The following KIAA1217 variants were observed in gnomAD, a reference collection of about 807,000 sequenced individuals.
KIAA1217 encodes KIAA1217, also known as sickle tail protein homolog.
In KIAA1217, 88 loss-of-function variants were observed where a neutral mutation model predicts 163.9. The observed-to-expected ratio is 0.54, with a 90% CI of 0.45 to 0.64. KIAA1217 has a LOEUF of 0.64. Ranked by LOEUF, KIAA1217 falls within the 30% of genes least tolerant of loss-of-function variation. The pLI, the probability that KIAA1217 is intolerant of heterozygous loss-of-function variation, is 0.00. For missense variants in KIAA1217, 2,372 were observed against 2,475.0 expected (o/e 0.96, Z 0.88); for synonymous variants, 903 against 923.1 (o/e 0.98, Z 0.39).
chr10:24,001,668 T>C (rs542399987), intron 1 of KIAA1217, among the ~76,000 whole-genome samples: 3 of 152,168 alleles, frequency 2.0e-5, no homozygotes, highest in Non-Finnish European at 4.4e-5. Flanking sequence ...GTGATTTGAA[T>C]AGGAAGATTC....
chr10:24,269,508 A>G (rs1244165513), intron 2 of KIAA1217, among the ~76,000 whole-genome samples: 2 of 152,182 alleles, frequency 1.3e-5, no homozygotes, highest in African/African-American at 4.8e-5. Context: ...TGGGCAACAG[A>G]GTGATTCCCT....
intron 1 of KIAA1217, among the ~76,000 whole-genome samples, chr10:23,777,101 T>C (rs1305474255): frequency 3.9e-5 from 6 of 152,192 alleles, no homozygotes; most frequent in African/African-American, 1.4e-4. Flanking sequence ...TAGAATGTAG[T>C]TTTAAGAGAT....
chr10:24,513,516 T>C, intron 10 of KIAA1217, 82 bp downstream of exon 10: 1 of 1,383,738 alleles, frequency 7.2e-7, no homozygotes, highest in Non-Finnish European at 1.0e-6. Context: ...CCTTCCCAGT[T>C]GGTGGTCTTG....
At chr10:24,370,714 C>T (rs2051514196) in intron 2 of KIAA1217, among the ~76,000 whole-genome samples, 1 of 152,104 alleles carries the variant, frequency 6.6e-6, no homozygotes, top group Admixed American at 6.6e-5. Context: ...TCACGAGTAG[C>T]TGGGACTACA....
chr10:24,362,755 C>G lies in KIAA1217; in HGVS notation c.355-18114C>G, dbSNP rs921305249. ...GTGGCTCACGCCTATAATCCCAGCACTTTGAGAGGCCAGGGTAGGCAGATC... is the reference window on the plus strand; with the variant it reads ...GTGGCTCACGCCTATAATCCCAGCAGTTTGAGAGGCCAGGGTAGGCAGATC... On this transcript the variant is annotated intron_variant, in intron 2 of 20. Transcript: ENST00000376454. Among the ~76,000 whole-genome samples, 9 of 152,286 alleles carry G rather than the reference C, an allele frequency of 5.9e-5. No individual in the cohort carries two copies. The East Asian group carries it at 1.2e-3, about 20-fold the overall frequency.
chr10:23,965,684 G>T (rs1264886406), intron 1 of KIAA1217, among the ~76,000 whole-genome samples: 1 of 152,178 alleles, frequency 6.6e-6, no homozygotes, highest in Admixed American at 6.5e-5. Flanking sequence ...AGCAGTAAAT[G>T]GATTTTTAAA....
chr10:24,160,962 T>C (rs1439118360), intron 2 of KIAA1217, among the ~76,000 whole-genome samples: 3 of 152,204 alleles, frequency 2.0e-5, no homozygotes, highest in Non-Finnish European at 4.4e-5. Context: ...CTATAAATTC[T>C]TATTTGAAAA....
At chr10:23,869,591 C>A (rs1176528830) in intron 1 of KIAA1217, among the ~76,000 whole-genome samples, 1 of 152,050 alleles carries the variant, frequency 6.6e-6, no homozygotes, top group African/African-American at 2.4e-5. Context: ...GAAATAAAGT[C>A]CTGACGTTTG....
chr10:23,863,339 C>T (rs373581042), intron 1 of KIAA1217, among the ~76,000 whole-genome samples: 83 of 152,272 alleles, frequency 5.5e-4, no homozygotes, highest in African/African-American at 1.9e-3. Flanking sequence ...GTGTCTCCTC[C>T]AAAATTCAGT....
rs551808268 is a variant in KIAA1217, at chr10:24,089,294, G to A, written c.-171+81920G>A. On this transcript the variant is annotated intron_variant, in intron 2 of 18. Coordinates refer to the KIAA1217 transcript ENST00000376462. ...TCTTTTGCTGTGCAGAAGCTCTTTA[G>A]TTTAATTAGATCCCATTTGTCAATT... 2.4e-5 allele frequency among the ~76,000 whole-genome samples: 3 copies of A among 125,244 alleles called. 1 individual carries two copies. Among genetic ancestry groups the A allele is most frequent in the South Asian group, 5.3e-4 (2 of 3,796 alleles). The allele number at this position is 125,244 out of a possible 152,430, so 82.2% of individuals were successfully genotyped here.
chr10:24,230,722 G>T (rs549705212), intron 2 of KIAA1217, among the ~76,000 whole-genome samples: 1 of 152,090 alleles, frequency 6.6e-6, no homozygotes, highest in East Asian at 1.9e-4. Flanking sequence ...GTTGAAATGT[G>T]GTTTCACCAT....
chr10:23,916,752 T>C (rs1842645247), intron 1 of KIAA1217, among the ~76,000 whole-genome samples: 1 of 152,012 alleles, frequency 6.6e-6, no homozygotes, highest in Non-Finnish European at 1.5e-5. Flanking sequence ...GGCGGGCAGA[T>C]CACGAGGTCA....
At chr10:24,141,225 A>T (rs866883414) in intron 2 of KIAA1217, among the ~76,000 whole-genome samples, 2 of 76,258 alleles carry the variant, frequency 2.6e-5, no homozygotes, top group African/African-American at 4.5e-5. Context: ...GAAAGAATAA[A>T]CCCCCCCCCC....
At chr10:24,335,542 A>G (rs2046236981) in intron 2 of KIAA1217, among the ~76,000 whole-genome samples, 1 of 151,656 alleles carries the variant, frequency 6.6e-6, no homozygotes, top group Non-Finnish European at 1.5e-5. Context: ...ATATGCTAAA[A>G]ACCACTAGAT....
rs952333209 is a variant in KIAA1217, at chr10:24,093,746, C to A, written c.-171+86372C>A. ...ACATGTGCCATGCTGGTGTGCTGCA[C>A]CCATTAACTCGTCATTTAGCATTAG... On this transcript the variant is annotated intron_variant, in intron 2 of 18. Transcript: ENST00000376462. 2.0e-4 allele frequency among the ~76,000 whole-genome samples: 30 copies of A among 150,190 alleles called. 1 individual carries two copies. The highest frequency in any genetic ancestry group is 6.7e-4 in the African/African-American group (27 of 40,352).
intron 1 of KIAA1217, among the ~76,000 whole-genome samples, chr10:23,767,193 C>G (rs1054193206): frequency 2.0e-5 from 3 of 152,146 alleles, no homozygotes; most frequent in African/African-American, 7.2e-5. Context: ...TAAAGTGCAT[C>G]CTGAGAATTA....
chr10:23,701,706 T>C (rs1000847267), intron 1 of KIAA1217, among the ~76,000 whole-genome samples: 2 of 152,254 alleles, frequency 1.3e-5, no homozygotes, highest in Non-Finnish European at 2.9e-5. Context: ...TCTTACTTGC[T>C]TAATAATAGC....
At chr10:23,963,884 TC>T (rs1253590031) in intron 1 of KIAA1217, among the ~76,000 whole-genome samples, 2 of 149,566 alleles carry the variant, frequency 1.3e-5, no homozygotes, top group Non-Finnish European at 2.9e-5. Flanking sequence ...GAGCTTTTTT[TC>T]TTTTCTCTTT....
chr10:24,117,744 C>A (rs2063116259), intron 2 of KIAA1217, among the ~76,000 whole-genome samples: 1 of 152,206 alleles, frequency 6.6e-6, no homozygotes, highest in African/African-American at 2.4e-5. Flanking sequence ...CAGTCGTAAG[C>A]AGCTTATGCA....
Sources: allele counts gnomAD v4.1 joint callset (sites outside exome capture counted in the v4.1 genomes callset), GRCh38; gene constraint gnomAD v4.1.1; transcripts MANE v1.5; gene names NCBI Gene and HGNC (gene_info 2026-07-23, HGNC 2026-07-21).